The following BLM variants were observed in gnomAD, a reference collection of about 807,000 sequenced individuals.
BLM encodes the protein recQ-like DNA helicase BLM.
Under a neutral mutation model 135.3 loss-of-function variants are expected in BLM, and 95 were observed. The observed-to-expected ratio is 0.70, with a 90% CI of 0.59 to 0.83. The LOEUF is 0.83. Among genes scored for constraint, BLM ranks in the 40% least tolerant of loss-of-function variants. The pLI is 0.00. For missense variants in BLM, 1,518 were observed against 1,663.9 expected (o/e 0.91, Z 1.53); for synonymous variants, 520 against 589.2 (o/e 0.88, Z 1.70).
rs554390308 is a variant in BLM, at chr15:90,815,385, G to T, written c.*106G>T. 2.5e-6 allele frequency: 3 copies of T among 1,221,356 alleles called. No individual in the cohort carries two copies. In the African/African-American group the frequency reaches 4.6e-5, roughly 19 times the overall value. 75.7% of individuals were successfully genotyped at this position (1,221,356 alleles called of 1,614,324 possible). A position where few individuals can be genotyped will look rare whatever the true frequency, so the allele number is the denominator to read the frequency against. ...GTTATACCATTTGAAGTTTTTACTC[G>T]TCTCTATTAATATTTAAATAAATGC... On this transcript the variant is annotated 3_prime_UTR_variant, in exon 22 of 22. Transcript: ENST00000355112. This position sits in a 1 kb window ranked among gnomAD's most constrained non-coding sequence, Gnocchi z 4.6.
At position 90,761,343 on chromosome 15, in the gene BLM, T is replaced by G. The variant is rs28385013; in HGVS notation, c.1882+88T>G. ...TAAGAAAAACCATAGCAAATCATCA[T>G]TGCCTGAAAACATTGTTGCTATGCA... On this transcript the variant is annotated intron_variant, in intron 7 of 21. Coordinates refer to ENST00000355112, the MANE Select transcript of BLM (RefSeq NM_000057.4). 449 of 1,044,212 alleles carry G rather than the reference T, an allele frequency of 4.3e-4. 7 individuals carry two copies. The East Asian group carries it at 0.011, about 26-fold the overall frequency. The allele number at this position is 1,044,212 out of a possible 1,614,324, so 64.7% of individuals were successfully genotyped here. A position where few individuals can be genotyped will look rare whatever the true frequency, so the allele number is the denominator to read the frequency against.
chr15:90,782,916 A>G lies in BLM; in HGVS notation c.2650A>G (p.Lys884Glu). The G allele has an allele frequency of 6.2e-7, 1 of 1,610,836 alleles. No homozygotes were observed. Residue 884 changes from lysine (K) to glutamate (E), a missense_variant, in exon 13 of 22, where the codon AAG (lysine) becomes GAG (glutamate). By Grantham distance (56) the Lys-to-Glu change is moderately conservative. This residue lies in a region of BLM where 626 missense variants were observed against 681.1 expected (regional missense o/e 0.92). Coordinates refer to ENST00000355112, the MANE Select transcript of BLM (RefSeq NM_000057.4). ...ATTTGATTGCCTAGAATGGATCAGAAAGCACCACCCATGTGAGTACAGCCA... is the reference window on the plus strand; with the variant it reads ...ATTTGATTGCCTAGAATGGATCAGAGAGCACCACCCATGTGAGTACAGCCA... ...VAFDCLEWIR[K>E]HHPYDSGIIY...
intron 19 of BLM, among the ~76,000 whole-genome samples, chr15:90,808,021 A>G (rs1897320914): frequency 6.6e-6 from 1 of 152,182 alleles, no homozygotes; most frequent in Non-Finnish European, 1.5e-5. Flanking sequence ...AGAATTGATG[A>G]AATTTGGTAT....
intron 1 of BLM, among the ~76,000 whole-genome samples, chr15:90,728,588 T>A (rs989275606): frequency 6.6e-6 from 1 of 151,292 alleles, no homozygotes; most frequent in Non-Finnish European, 1.5e-5. Flanking sequence ...ATATATTTAG[T>A]AGAGACGGGG....
chr15:90,806,441 G>C (rs1020849127), intron 19 of BLM, among the ~76,000 whole-genome samples: 22 of 151,710 alleles, frequency 1.5e-4, no homozygotes, highest in Non-Finnish European at 2.5e-4. Flanking sequence ...AACCCAGGAG[G>C]TGGAGGTTGC....
intron 1 of BLM, among the ~76,000 whole-genome samples, chr15:90,745,442 C>T (rs1336067307): frequency 6.6e-6 from 1 of 152,092 alleles, no homozygotes; most frequent in Non-Finnish European, 1.5e-5. Context: ...CAGGGTCTTG[C>T]TCTGTTGCCC....
chr15:90,717,761 T>C (rs1158305551), intron 1 of BLM, among the ~76,000 whole-genome samples: 1 of 152,200 alleles, frequency 6.6e-6, no homozygotes, highest in Non-Finnish European at 1.5e-5. Flanking sequence ...CACAGAGTAA[T>C]CCCAGCCCAG....
In BLM at chr15:90,762,845, G is replaced by C. The variant is rs1008651373; in HGVS notation, c.1883-121G>C. On this transcript the variant is annotated intron_variant, in intron 7 of 21. Transcript: ENST00000355112. ...TGTAGGGAAGGAAAGCCAGTAAAGA[G>C]TTTAAGAACTGTGCTGCAGGGAAAC... 4.7e-5 allele frequency: 45 copies of C among 950,014 alleles called. No homozygotes were observed. The South Asian group carries it at 5.3e-4, about 11-fold the overall frequency. The allele number at this position is 950,014 out of a possible 1,614,324, so 58.8% of individuals were successfully genotyped here. A position where few individuals can be genotyped will look rare whatever the true frequency, so the allele number is the denominator to read the frequency against.
At chr15:90,772,032 A>G (rs1896334036) in intron 12 of BLM, among the ~76,000 whole-genome samples, 1 of 152,182 alleles carries the variant, frequency 6.6e-6, no homozygotes, top group African/African-American at 2.4e-5. Context: ...AATGTGAAGG[A>G]ATTTGGGTAA....
At chr15:90,731,221 G>A (rs1404617742) in intron 1 of BLM, among the ~76,000 whole-genome samples, 1 of 152,174 alleles carries the variant, frequency 6.6e-6, no homozygotes, top group African/African-American at 2.4e-5. Flanking sequence ...TTATAGGTGT[G>A]AGTCATCATG....
At chr15:90,810,205 A>G (rs533633245) in intron 20 of BLM, among the ~76,000 whole-genome samples, 3 of 151,814 alleles carry the variant, frequency 2.0e-5, no homozygotes, top group Admixed American at 6.6e-5. Flanking sequence ...GGCATGCACC[A>G]CCACACCTGA....
At chr15:90,808,641 T>C (rs1307745108) in intron 19 of BLM, 11 of 198,296 alleles carry the variant, frequency 5.5e-5, no homozygotes, top group Admixed American at 1.6e-4. Flanking sequence ...TCAACCCACA[T>C]GGGGAAAGAG....
rs1344988437 is a variant in BLM, at chr15:90,811,213, A to G, written c.3883A>G (p.Ser1295Gly). 6 of 1,613,142 alleles carry G rather than the reference A, an allele frequency of 3.7e-6. No homozygotes were observed. The highest frequency in any genetic ancestry group is 5.1e-6 in the Non-Finnish European group (6 of 1,180,040). Residue 1295 changes from serine to glycine, a missense_variant, in exon 21 of 22, where the codon AGT becomes GGT. Transcript: ENST00000355112. ...GCATTTTCCATTTGTAGCTGAAGAC[A>G]GTTCCCCAGGGATAAGCCTGTCCAG... ...YSEWTSPAEDSSPGISLSSSR... is the reference protein window; with the variant it reads ...YSEWTSPAEDGSPGISLSSSR...
chr15:90,743,090 G>A (rs758685779), intron 1 of BLM, among the ~76,000 whole-genome samples: 1 of 151,372 alleles, frequency 6.6e-6, no homozygotes, highest in Non-Finnish European at 1.5e-5. Flanking sequence ...CGAACTCCTG[G>A]GCTCAAGGGA....
intron 13 of BLM, among the ~76,000 whole-genome samples, chr15:90,783,365 A>AT (rs1896664763): frequency 6.6e-6 from 1 of 152,032 alleles, no homozygotes; most frequent in Admixed American, 6.6e-5. Flanking sequence ...TTTCTATTTT[A>AT]TTTTTTAGAA....
intron 1 of BLM, among the ~76,000 whole-genome samples, chr15:90,725,563 G>A (rs546530705): frequency 4.0e-5 from 6 of 149,848 alleles, no homozygotes; most frequent in East Asian, 3.9e-4. Flanking sequence ...GCACCATCTC[G>A]GCTCACTGCA....
At chr15:90,785,253 A>G (rs1043876508) in intron 14 of BLM, among the ~76,000 whole-genome samples, 172 bp downstream of exon 14, 1 of 152,240 alleles carries the variant, frequency 6.6e-6, no homozygotes, top group African/African-American at 2.4e-5. Context: ...TTTTTCTTTC[A>G]TAAAAAAAAT....
chr15:90,803,566 C>T lies in BLM; in HGVS notation c.3404C>T (p.Ser1135Phe). The T allele has an allele frequency of 6.2e-7, 1 of 1,613,864 alleles. No individual in the cohort carries two copies. The highest frequency in any genetic ancestry group is 1.1e-5 in the South Asian group (1 of 91,078). ...KIQSGIFGKG[S>F]AYSRHNAERL... ...CAGTCAGGTATATTTGGAAAAGGAT[C>T]TGCTTATTCACGACACAATGCCGAA... Residue 1135 changes from serine to phenylalanine, a missense_variant, in exon 18 of 22, where the codon TCT (serine) becomes TTT (phenylalanine). Transcript: ENST00000355112.
intron 7 of BLM, chr15:90,762,378 G>C (rs1289369104): frequency 1.3e-5 from 2 of 152,788 alleles, no homozygotes; most frequent in African/African-American, 4.8e-5. Flanking sequence ...CAGATTTGGA[G>C]AAAAGCTGAG....
Sources: allele counts gnomAD v4.1 joint callset (sites outside exome capture counted in the v4.1 genomes callset), GRCh38; gene constraint gnomAD v4.1.1; regional missense constraint gnomAD v4.1.1; non-coding constraint Gnocchi (gnomAD v3.1); transcripts MANE v1.5; gene names NCBI Gene and HGNC (gene_info 2026-07-23, HGNC 2026-07-21).